The following MAGOHB variants were observed in gnomAD, a reference collection of about 807,000 sequenced individuals.
MAGOHB encodes the protein protein mago nashi homolog 2.
Under a neutral mutation model 20.9 loss-of-function variants are expected in MAGOHB, and 15 were observed. That is an observed-to-expected ratio of 0.72 (90% confidence interval 0.48 to 1.11). MAGOHB has a LOEUF of 1.11. MAGOHB is among the 50% of genes least tolerant of loss of function. MAGOHB has a pLI of 0.00. For missense variants in MAGOHB, 162 were observed against 177.6 expected (o/e 0.91, Z 0.50); for synonymous variants, 50 against 57.9 (o/e 0.86, Z 0.62).
downstream of MAGOHB, among the ~76,000 whole-genome samples, chr12:10,603,246 G>A (rs150864407): frequency 0.032 from 4,887 of 150,720 alleles, 271 homozygotes; most frequent in African/African-American, 0.11. Flanking sequence ...CCCCGGAGGC[G>A]GAGCTTGCAG....
chr12:10,613,306 T>G, intron 1 of MAGOHB, 133 bp downstream of exon 1: 1 of 760,742 alleles, frequency 1.3e-6, no homozygotes, highest in East Asian at 2.5e-5. Context: ...AACCAACTTA[T>G]GCCTCCTCTA....
downstream of MAGOHB, among the ~76,000 whole-genome samples, chr12:10,600,495 A>G (rs1031572278): frequency 6.6e-6 from 1 of 152,160 alleles, no homozygotes; most frequent in Non-Finnish European, 1.5e-5. Flanking sequence ...GCCCTCCAGA[A>G]GAGATGTTCC....
At chr12:10,610,765 C>T in intron 1 of MAGOHB, 85 bp from the exon 2 acceptor site, 1 of 1,179,782 alleles carries the variant, frequency 8.5e-7, no homozygotes, top group Middle Eastern at 2.0e-4. Context: ...AGGTAAAGAC[C>T]ATTTTATACT....
intron 4 of MAGOHB, among the ~76,000 whole-genome samples, chr12:10,607,347 T>A (rs1005634766): frequency 2.7e-5 from 4 of 147,424 alleles, no homozygotes; most frequent in Non-Finnish European, 5.9e-5. Context: ...TGGGCACAAA[T>A]AAAAATAAGT....
chr12:10,612,608 TTTAG>T, intron 1 of MAGOHB: 4 of 1,030,502 alleles, frequency 3.9e-6, no homozygotes, highest in Non-Finnish European at 3.6e-6. Flanking sequence ...ACAAATCTGC[TTTAG>T]TTAAATTTGT....
chr12:10,612,931 C>T, intron 1 of MAGOHB: 2 of 1,289,182 alleles, frequency 1.6e-6, no homozygotes, highest in Non-Finnish European at 2.0e-6. Flanking sequence ...CTGACTCCCT[C>T]CTGTGGAACT....
chr12:10,613,177 G>A (rs576961676), intron 1 of MAGOHB, among the ~76,000 whole-genome samples: 2 of 152,306 alleles, frequency 1.3e-5, no homozygotes, highest in East Asian at 3.9e-4. Flanking sequence ...CAATCAGGGC[G>A]ACGATCTAGA....
At chr12:10,609,780 G>C (rs2120524970) in intron 3 of MAGOHB, 51 bp downstream of exon 3, 1 of 1,134,454 alleles carries the variant, frequency 8.8e-7, no homozygotes. Context: ...AAACAAAATA[G>C]TATTATCAAT....
intron 1 of MAGOHB, among the ~76,000 whole-genome samples, chr12:10,611,747 C>CAA (rs1042294332): frequency 0.015 from 414 of 27,656 alleles, 37 homozygotes; most frequent in African/African-American, 0.042. Context: ...GACTCTGTCT[C>CAA]AAAAAAAAAA....
chr12:10,609,676 A>C, intron 3 of MAGOHB, 155 bp downstream of exon 3: 2 of 596,566 alleles, frequency 3.4e-6, no homozygotes, highest in Non-Finnish European at 5.9e-6. Flanking sequence ...ACAGAAAAAC[A>C]GAACTAAGAG....
At chr12:10,604,119 G>A (rs1202746683), downstream of MAGOHB, 2 of 152,354 alleles carry the variant, frequency 1.3e-5, no homozygotes, top group African/African-American at 4.8e-5. Flanking sequence ...AAAAGACTGT[G>A]CTAGGGTTCT....
intron 1 of MAGOHB, chr12:10,612,991 A>ATT (rs1865776248): frequency 8.0e-7 from 1 of 1,254,668 alleles, no homozygotes; most frequent in South Asian, 1.2e-5. Flanking sequence ...ATGGTGAACA[A>ATT]TTACACGTAA....
downstream of MAGOHB, among the ~76,000 whole-genome samples, chr12:10,600,647 C>T (rs1865545249): frequency 6.6e-6 from 1 of 152,190 alleles, no homozygotes; most frequent in African/African-American, 2.4e-5. Context: ...CCAGCAAGGC[C>T]TCACATTTTC....
intron 1 of MAGOHB, among the ~76,000 whole-genome samples, chr12:10,612,225 CATA>C (rs1865758838): frequency 1.3e-5 from 2 of 149,544 alleles, no homozygotes; most frequent in Admixed American, 6.6e-5. Flanking sequence ...CATAACATAA[CATA>C]ACATAACATA....
Position 10,607,856 on chromosome 12 carries a change from T to C in MAGOHB, c.345A>G (p.Ser115=). ...KIGSLIDVNQ[S]KDPEGLRVFY... Reference sequence around the variant, plus strand: ...CCAAAATGCTTTAACATACTTACTTTGACTGATTTACATCAATAAGAGAAC... The same window carrying C: ...CCAAAATGCTTTAACATACTTACTTCGACTGATTTACATCAATAAGAGAAC... The change falls in exon 4 of 5, where the codon TCA becomes TCG. Residue 115 remains serine, a splice_region_variant and synonymous_variant. Coordinates refer to ENST00000320756, the MANE Select transcript of MAGOHB (RefSeq NM_018048.5). The C allele has an allele frequency of 6.4e-7, 1 of 1,561,712 alleles. No homozygotes were observed.
chr12:10,607,910 C>T lies in MAGOHB; in HGVS notation c.291G>A (p.Glu97=). The T allele has an allele frequency of 6.3e-7, 1 of 1,585,740 alleles. No individual in the cohort carries two copies. Among genetic ancestry groups the T allele is most frequent in the Non-Finnish European group, 8.6e-7 (1 of 1,164,422 alleles). Residue 97 remains glutamate (E), a synonymous_variant, in exon 4 of 5, where the codon GAG becomes GAA. Coordinates refer to ENST00000320756, the MANE Select transcript of MAGOHB (RefSeq NM_018048.5). The part of the protein sequence containing the change: ...RQELEIVIGD[E]HISFTTSKIG... ...TTTTTGATGTGGTAAAAGATATGTGCTCATCTCCAATTACAATTTCAAGCT... is the reference window on the plus strand; with the variant it reads ...TTTTTGATGTGGTAAAAGATATGTGTTCATCTCCAATTACAATTTCAAGCT...
rs747651428 is a variant in MAGOHB at position 10,610,575 on chromosome 12, TGCAAA to T, written c.153+42_153+46del. The stretch of plus-strand genomic sequence containing the variant: ...ACAGACTTGAAGAAAATGGGCTAAA[TGCAAA>T]AAAAAAAAAAAAAAAAAAAAAGACA... On this transcript the variant is annotated intron_variant, in intron 2 of 4. Transcript: ENST00000320756. 3.5e-4 allele frequency: 422 copies of T among 1,204,422 alleles called. 11 individuals carry two copies. The highest frequency in any genetic ancestry group is 1.1e-3 in the South Asian group (58 of 53,968). 74.6% of individuals were successfully genotyped at this position (1,204,422 alleles called of 1,614,324 possible).
downstream of MAGOHB, among the ~76,000 whole-genome samples, chr12:10,600,364 A>G (rs1192566173): frequency 1.3e-5 from 2 of 151,616 alleles, no homozygotes; most frequent in African/African-American, 2.4e-5. Flanking sequence ...ATTGTTTTCA[A>G]TTTTTTCTAT....
chr12:10,599,621 T>C (rs984270667), downstream of MAGOHB: 2 of 152,156 alleles, frequency 1.3e-5, no homozygotes, highest in Non-Finnish European at 2.9e-5. Flanking sequence ...GGCTATAACA[T>C]GAAAGGCAGA....
Sources: allele counts gnomAD v4.1 joint callset (sites outside exome capture counted in the v4.1 genomes callset), GRCh38; gene constraint gnomAD v4.1.1; transcripts MANE v1.5; gene names NCBI Gene and HGNC (gene_info 2026-07-23, HGNC 2026-07-21).